The following LCORL variants were observed in gnomAD, a reference collection of about 807,000 sequenced individuals.
LCORL encodes the protein ligand dependent nuclear receptor corepressor like.
Under a neutral mutation model 141.8 loss-of-function variants are expected in LCORL, and 41 were observed. The observed-to-expected ratio is 0.29, with a 90% CI of 0.23 to 0.38. LCORL has a LOEUF of 0.38. LCORL is among the 10% of genes least tolerant of loss of function. The pLI, the probability that LCORL is intolerant of heterozygous loss-of-function variation, is 1.00. For missense variants in LCORL, 1,759 were observed against 2,035.0 expected (o/e 0.86, Z 2.61); for synonymous variants, 618 against 694.1 (o/e 0.89, Z 1.72).
chr4:17,984,869 T>A (rs1201253072), intron 1 of LCORL, among the ~76,000 whole-genome samples: 1 of 152,080 alleles, frequency 6.6e-6, no homozygotes, highest in Non-Finnish European at 1.5e-5. Flanking sequence ...TAATTTGAGA[T>A]CTAACTTTTG....
chr4:17,955,497 C>T (rs1712422696), intron 4 of LCORL, among the ~76,000 whole-genome samples: 1 of 152,008 alleles, frequency 6.6e-6, no homozygotes. Flanking sequence ...CCTCATGGTG[C>T]TTATATTCTA....
At chr4:17,998,985 A>AAAAAAAAAAATATAT (rs1374815646) in intron 1 of LCORL, among the ~76,000 whole-genome samples, 5 of 57,890 alleles carry the variant, frequency 8.6e-5, no homozygotes, top group Non-Finnish European at 9.9e-5. Context: ...AAAAAAAAAA[A>AAAAAAAAAAATATAT]ATATATATAT....
chr4:17,909,518 A>G (rs2109327827), intron 4 of LCORL, among the ~76,000 whole-genome samples, 173 bp from the exon 5 acceptor site: 1 of 152,266 alleles, frequency 6.6e-6, no homozygotes, highest in South Asian at 2.1e-4. Context: ...AATCAGCTTT[A>G]TAATAATATA....
intron 5 of LCORL, 83 bp from the exon 6 acceptor site, chr4:17,886,244 C>T: frequency 1.3e-6 from 1 of 769,828 alleles, no homozygotes; most frequent in Non-Finnish European, 2.3e-6. Context: ...TTTTGTTGAT[C>T]TAATTCATAA....
chr4:17,873,012 T>C (rs78439738), intron 7 of LCORL, among the ~76,000 whole-genome samples: 3,621 of 152,252 alleles, frequency 0.024, 98 homozygotes, highest in East Asian at 0.14. Context: ...TAGTTTATAG[T>C]GTGGTACTTA....
At chr4:17,949,193 G>C (rs1739346457) in intron 4 of LCORL, among the ~76,000 whole-genome samples, 1 of 152,002 alleles carries the variant, frequency 6.6e-6, no homozygotes, top group African/African-American at 2.4e-5. Flanking sequence ...TCATTTTCCA[G>C]AGTGCTACTC....
At chr4:17,845,851 G>A (rs1242431826) in exon 8 of LCORL, 1 of 1,613,504 alleles carries the variant, frequency 6.2e-7, no homozygotes, top group Non-Finnish European at 8.5e-7. Flanking sequence ...GCAACTTGCT[G>A]TATTCTCATC....
At chr4:17,944,416 A>C (rs1255853200) in intron 4 of LCORL, among the ~76,000 whole-genome samples, 1 of 152,114 alleles carries the variant, frequency 6.6e-6, no homozygotes, top group Non-Finnish European at 1.5e-5. Context: ...TTATTCACTT[A>C]TATCAGTATT....
intron 5 of LCORL, among the ~76,000 whole-genome samples, chr4:17,887,459 T>C (rs146856023): frequency 1.1e-3 from 160 of 152,234 alleles, no homozygotes; most frequent in African/African-American, 2.9e-3. Flanking sequence ...GGGCCCTGAA[T>C]AAGGTGAGGA....
intron 1 of LCORL, among the ~76,000 whole-genome samples, chr4:18,013,056 A>T (rs757883700): frequency 2.0e-5 from 3 of 152,158 alleles, no homozygotes; most frequent in Non-Finnish European, 2.9e-5. Flanking sequence ...ACTGAAATTT[A>T]TCTAGTCAAG....
intron 6 of LCORL, chr4:17,883,461 A>T (rs1281666753): frequency 8.4e-7 from 1 of 1,193,316 alleles, no homozygotes; most frequent in Non-Finnish European, 1.0e-6. Flanking sequence ...TCACCTATTT[A>T]TACAAGGATT....
chr4:17,972,960 G>T, intron 1 of LCORL, 75 bp from the exon 2 acceptor site: 1 of 603,740 alleles, frequency 1.7e-6, no homozygotes, highest in Non-Finnish European at 2.6e-6. Context: ...CATAAACTCT[G>T]TATCAATCAG....
intron 6 of LCORL, 111 bp downstream of exon 6, chr4:17,885,957 A>G (rs1277574439): frequency 6.3e-6 from 3 of 479,820 alleles, no homozygotes; most frequent in Non-Finnish European, 1.1e-5. Flanking sequence ...TGAGTGACAA[A>G]AATTCTGGAG....
intron 1 of LCORL, among the ~76,000 whole-genome samples, chr4:18,012,969 C>A (rs879334802): frequency 1.3e-5 from 2 of 152,132 alleles, no homozygotes; most frequent in African/African-American, 2.4e-5. Context: ...AATTAGTTTA[C>A]GACAAATGTT....
intron 4 of LCORL, among the ~76,000 whole-genome samples, chr4:17,945,175 G>A (rs1303725775): frequency 6.6e-6 from 1 of 152,148 alleles, no homozygotes; most frequent in East Asian, 1.9e-4. Flanking sequence ...CTTGACAGCA[G>A]TTAACTACAT....
intron 7 of LCORL, among the ~76,000 whole-genome samples, chr4:17,863,063 C>G (rs1319083127): frequency 6.6e-6 from 1 of 152,184 alleles, no homozygotes. Flanking sequence ...CACCTGTAAT[C>G]CCAGCACTTT....
chr4:17,885,388 C>T (rs1260126960), intron 6 of LCORL, among the ~76,000 whole-genome samples: 2 of 151,712 alleles, frequency 1.3e-5, no homozygotes, highest in Admixed American at 6.6e-5. Flanking sequence ...CTTACTATAC[C>T]TTACGACTCA....
chr4:17,882,148 C>T, intron 6 of LCORL: 1 of 983,760 alleles, frequency 1.0e-6, no homozygotes, highest in South Asian at 4.7e-5. Flanking sequence ...CTGAAAATCT[C>T]TTTAGTATTA....
intron 1 of LCORL, among the ~76,000 whole-genome samples, chr4:17,990,414 T>C (rs1039044010): frequency 2.6e-4 from 39 of 149,362 alleles, no homozygotes; most frequent in African/African-American, 9.6e-4. Flanking sequence ...CTCTCTGCTT[T>C]AAAAGGGCTC....
Sources: allele counts gnomAD v4.1 joint callset (sites outside exome capture counted in the v4.1 genomes callset), GRCh38; gene constraint gnomAD v4.1.1; transcripts MANE v1.5; gene names NCBI Gene and HGNC (gene_info 2026-07-23, HGNC 2026-07-21).